The following MTRF1 variants were observed in gnomAD, a reference collection of about 807,000 sequenced individuals.
MTRF1 encodes the protein mitochondrial translation release factor 1.
In MTRF1, 51 loss-of-function variants were observed where a neutral mutation model predicts 62.9. The ratio of observed to expected loss-of-function variants is 0.81; its 90% CI spans 0.65 to 1.02. The LOEUF is 1.02. Among genes scored for constraint, MTRF1 ranks in the 50% least tolerant of loss-of-function variants. The pLI is 0.00. For missense variants in MTRF1, 446 were observed against 530.0 expected (o/e 0.84, Z 1.56); for synonymous variants, 158 against 181.9 (o/e 0.87, Z 1.06).
At chr13:41,240,537 A>T in intron 5 of MTRF1, 104 bp from the exon 6 acceptor site, 1 of 1,024,704 alleles carries the variant, frequency 9.8e-7, no homozygotes, top group Non-Finnish European at 1.3e-6. Context: ...ACAGAGCCTA[A>T]GATGAGAACA....
chr13:41,260,533 C>T lies in MTRF1; in HGVS notation c.375G>A (p.Glu125=), dbSNP rs2040332774. Reference sequence around the variant, plus strand: ...CTAATTCTTCAATTGCTTGTTCAGTCTCCTGAATTTCTTGGTAAATGGCTG... The same window carrying T: ...CTAATTCTTCAATTGCTTGTTCAGTTTCCTGAATTTCTTGGTAAATGGCTG... The part of the protein sequence containing the change: ...PLAAIYQEIQ[E]TEQAIEELES... Residue 125 remains glutamate (E), a synonymous_variant, in exon 2 of 10, where the codon GAG becomes GAA. Transcript: ENST00000379480. 6.2e-7 allele frequency: 1 copy of T among 1,613,700 alleles called. No homozygotes were observed. The highest frequency in any genetic ancestry group is 8.5e-7 in the Non-Finnish European group (1 of 1,179,914).
the MTRF1 span, chr13:41,311,673 G>A: frequency 1.6e-6 from 2 of 1,212,902 alleles, no homozygotes; most frequent in Non-Finnish European, 1.2e-6. Context: ...GCGCGGGCCA[G>A]GCTTGGCCTC....
chr13:41,219,998 C>A (rs1245489366), intron 9 of MTRF1, among the ~76,000 whole-genome samples: 110 of 70,320 alleles, frequency 1.6e-3, no homozygotes, highest in African/African-American at 3.4e-3. Flanking sequence ...ACCTCTGTCT[C>A]AAAAAAAAAA....
intron 1 of MTRF1, chr13:41,261,349 T>C (rs900904644): frequency 7.4e-6 from 1 of 134,858 alleles, no homozygotes; most frequent in African/African-American, 2.8e-5. Flanking sequence ...AAAAAAAAAA[T>C]TCAGCTGCCT....
chr13:41,259,650 C>T (rs1293424075), intron 2 of MTRF1, among the ~76,000 whole-genome samples: 3 of 143,302 alleles, frequency 2.1e-5, no homozygotes, highest in East Asian at 2.0e-4. Context: ...TGCAGTGAGC[C>T]GAGATCCCGC....
intron 9 of MTRF1, among the ~76,000 whole-genome samples, chr13:41,221,438 G>A (rs1462529368): frequency 6.6e-6 from 1 of 152,084 alleles, no homozygotes; most frequent in East Asian, 1.9e-4. Flanking sequence ...GATTACAGGC[G>A]TGAGCCACCG....
At chr13:41,311,498 T>A in the MTRF1 span, 2 of 1,577,282 alleles carry the variant, frequency 1.3e-6, no homozygotes, top group East Asian at 2.3e-5. Context: ...CTAGCCTCCC[T>A]GCCGGCCACC....
chr13:41,247,297 C>A (rs1328725155), intron 5 of MTRF1, among the ~76,000 whole-genome samples: 1 of 152,094 alleles, frequency 6.6e-6, no homozygotes, highest in Non-Finnish European at 1.5e-5. Flanking sequence ...GCTGATATAC[C>A]CTAACGGAGG....
At chr13:41,248,730 AACTCGTG>A (rs1313240832) in intron 5 of MTRF1, among the ~76,000 whole-genome samples, 1 of 152,210 alleles carries the variant, frequency 6.6e-6, no homozygotes, top group African/African-American at 2.4e-5. Flanking sequence ...ACCCCAAATT[AACTCGTG>A]AGTAGAGAAT....
chr13:41,237,684 A>G (rs1387265483), intron 6 of MTRF1, among the ~76,000 whole-genome samples: 1 of 152,086 alleles, frequency 6.6e-6, no homozygotes, highest in Non-Finnish European at 1.5e-5. Flanking sequence ...TTTTTAGTAG[A>G]GACAGGGTTT....
the MTRF1 span, among the ~76,000 whole-genome samples, chr13:41,306,623 T>C: frequency 6.6e-6 from 1 of 152,218 alleles, no homozygotes; most frequent in Non-Finnish European, 1.5e-5. Flanking sequence ...TCTTCTCTCC[T>C]TGTCTTTACT....
chr13:41,258,957 G>A (rs1441878264), intron 2 of MTRF1, among the ~76,000 whole-genome samples: 1 of 152,076 alleles, frequency 6.6e-6, no homozygotes, highest in African/African-American at 2.4e-5. Flanking sequence ...ACTGGCAAAG[G>A]ATCTGAACAG....
the MTRF1 span, among the ~76,000 whole-genome samples, chr13:41,288,813 G>A: frequency 7.2e-5 from 11 of 152,066 alleles, no homozygotes; most frequent in Non-Finnish European, 1.6e-4. Flanking sequence ...GTTCAAAATG[G>A]GTCGTAAAGC....
the MTRF1 span, among the ~76,000 whole-genome samples, chr13:41,306,594 AG>A: frequency 2.0e-5 from 3 of 152,230 alleles, no homozygotes; most frequent in Non-Finnish European, 4.4e-5. Flanking sequence ...TATGGGGTGG[AG>A]AAAATCCTTT....
chr13:41,230,962 G>A (rs985364505), intron 7 of MTRF1, among the ~76,000 whole-genome samples: 1 of 152,046 alleles, frequency 6.6e-6, no homozygotes, highest in Non-Finnish European at 1.5e-5. Context: ...TGACCCTCAG[G>A]TGATCTGCCT....
At chr13:41,248,563 A>G (rs1366774209) in intron 5 of MTRF1, among the ~76,000 whole-genome samples, 2 of 152,246 alleles carry the variant, frequency 1.3e-5, no homozygotes, top group African/African-American at 4.8e-5. Flanking sequence ...TTCAGTGACC[A>G]AAGTTCCCAC....
chr13:41,245,347 C>T (rs1437297385), intron 5 of MTRF1, among the ~76,000 whole-genome samples: 1 of 152,002 alleles, frequency 6.6e-6, no homozygotes, highest in African/African-American at 2.4e-5. Context: ...GGGCTCAAGC[C>T]ATCCCACCTC....
At chr13:41,243,915 A>T (rs2037884916) in intron 5 of MTRF1, among the ~76,000 whole-genome samples, 1 of 152,180 alleles carries the variant, frequency 6.6e-6, no homozygotes, top group Non-Finnish European at 1.5e-5. Flanking sequence ...TGCTCTTGCC[A>T]TTTGCCTCCC....
the MTRF1 span, among the ~76,000 whole-genome samples, chr13:41,285,131 T>A: frequency 6.6e-6 from 1 of 152,230 alleles, no homozygotes; most frequent in Admixed American, 6.5e-5. Context: ...CATGAAGTTT[T>A]ACTTATTGTC....
Sources: allele counts gnomAD v4.1 joint callset (sites outside exome capture counted in the v4.1 genomes callset), GRCh38; gene constraint gnomAD v4.1.1; transcripts MANE v1.5; gene names NCBI Gene and HGNC (gene_info 2026-07-23, HGNC 2026-07-21).